The following CTCF variants were observed in gnomAD, a reference collection of about 807,000 sequenced individuals.
The protein encoded by CTCF is CCCTC-binding factor.
In CTCF, 7 loss-of-function variants were observed where a neutral mutation model predicts 72.3. The ratio of observed to expected loss-of-function variants is 0.10; its 90% CI spans 0.06 to 0.18. CTCF has a LOEUF of 0.18. Among genes scored for constraint, CTCF ranks in the 10% least tolerant of loss-of-function variants. CTCF has a pLI of 1.00. For missense variants in CTCF, 516 were observed against 949.1 expected (o/e 0.54, Z 6.00); for synonymous variants, 374 against 315.8 (o/e 1.18, Z -1.95).
chr16:67,605,227 C>T (rs548125366), intron 2 of CTCF, among the ~76,000 whole-genome samples: 2 of 152,246 alleles, frequency 1.3e-5, no homozygotes, highest in East Asian at 3.9e-4. Flanking sequence ...CCCGCCTTCG[C>T]CTCCCAAAGT....
At chr16:67,575,038 A>G (rs2051476297) in intron 2 of CTCF, among the ~76,000 whole-genome samples, 1 of 152,240 alleles carries the variant, frequency 6.6e-6, no homozygotes, top group South Asian at 2.1e-4. Flanking sequence ...AGTGGCATTT[A>G]AGAATTACAT....
chr16:67,620,317 C>T (rs1477728306), intron 5 of CTCF, among the ~76,000 whole-genome samples: 1 of 152,108 alleles, frequency 6.6e-6, no homozygotes, highest in African/African-American at 2.4e-5. Context: ...TCTCCAGCCT[C>T]AGCCTTCCGA....
intron 2 of CTCF, among the ~76,000 whole-genome samples, chr16:67,591,475 AGT>A (rs1168257732): frequency 2.0e-5 from 3 of 152,148 alleles, no homozygotes; most frequent in African/African-American, 7.2e-5. Context: ...TCTTTATTGT[AGT>A]CTACAACTTT....
Position 67,629,492 on chromosome 16 carries a change from A to C in CTCF, c.1796A>C (p.Lys599Thr). 6.2e-7 allele frequency: 1 copy of C among 1,613,758 alleles called. No individual in the cohort carries two copies. The highest frequency in any genetic ancestry group is 8.5e-7 in the Non-Finnish European group (1 of 1,179,926). ...GETKKSKRGR[K>T]RKMRSKKEDS... The stretch of plus-strand genomic sequence containing the variant: ...ACGAAGAAGAGTAAACGTGGAAGAA[A>C]AAGAAAGATGCGCTCTAAGAAAGAA... Residue 599 changes from lysine to threonine, a missense_variant, in exon 10 of 12, where the codon AAA (lysine) becomes ACA (threonine). By Grantham distance (78) the Lys-to-Thr change is moderately conservative. Coordinates refer to ENST00000264010, the MANE Select transcript of CTCF (RefSeq NM_006565.4).
intron 10 of CTCF, among the ~76,000 whole-genome samples, chr16:67,631,736 A>G (rs919610749): frequency 5.2e-4 from 60 of 116,032 alleles, no homozygotes; most frequent in Admixed American, 2.6e-4. Context: ...TTTAAGTAGC[A>G]TCTTCTTCAG....
intron 1 of CTCF, among the ~76,000 whole-genome samples, chr16:67,565,707 A>G (rs1324564022): frequency 6.6e-6 from 1 of 151,976 alleles, no homozygotes; most frequent in Non-Finnish European, 1.5e-5. Context: ...GTAGTTGTAA[A>G]GGTTAACTTT....
At chr16:67,618,407 AT>A (rs2052161138) in intron 5 of CTCF, among the ~76,000 whole-genome samples, 1 of 152,216 alleles carries the variant, frequency 6.6e-6, no homozygotes, top group Admixed American at 6.5e-5. Context: ...CCTCAAAAAA[AT>A]TTTAAACAGC....
chr16:67,607,166 A>G (rs964862707), intron 2 of CTCF, among the ~76,000 whole-genome samples: 10 of 152,002 alleles, frequency 6.6e-5, no homozygotes, highest in African/African-American at 1.7e-4. Context: ...CGTGTTGGCC[A>G]GGCTTGTCTC....
chr16:67,616,806 T>C lies in CTCF; in HGVS notation c.1014T>C (p.Val338=), dbSNP rs770443809. The change falls in exon 5 of 12, where the codon GTT becomes GTC. Residue 338 remains valine (V), a synonymous_variant. Transcript: ENST00000264010. ...CCTTTGTGACCAGTGGAGAATTGGT[T>C]CGGCATCGTCGTTACAAACACACCC... The part of the protein sequence containing the change: ...DMAFVTSGEL[V]RHRRYKHTHE... 1 of 1,614,180 alleles carries C rather than the reference T, an allele frequency of 6.2e-7. No individual in the cohort carries two copies. Among genetic ancestry groups the C allele is most frequent in the South Asian group, 1.1e-5 (1 of 91,082 alleles).
intron 5 of CTCF, among the ~76,000 whole-genome samples, chr16:67,617,222 G>A (rs993858721): frequency 3.3e-5 from 5 of 152,036 alleles, no homozygotes; most frequent in African/African-American, 1.2e-4. Context: ...ATTTAGGCTG[G>A]GCCTGGTGGC....
In CTCF at chr16:67,611,068, A is replaced by C. The variant is rs751071798; in HGVS notation, c.236A>C (p.Glu79Ala). The C allele has an allele frequency of 2.0e-5, 32 of 1,614,034 alleles. No individual in the cohort carries two copies. Among genetic ancestry groups the C allele is most frequent in the Non-Finnish European group, 2.6e-5 (31 of 1,180,040 alleles). Residue 79 changes from glutamate (E) to alanine (A), a missense_variant, in exon 3 of 12, where the codon GAG (glutamate) becomes GCG (alanine). Physicochemically the swap from Glu to Ala is moderately radical, Grantham distance 107 (BLOSUM62 -1). Transcript: ENST00000264010. ...CTTCAGATGAAGACTGAAGTAATGG[A>C]GGGCACAGTGGCTCCAGAAGCAGAG... Reference protein sequence around the residue: ...TLLQMKTEVMEGTVAPEAEAA... With the variant: ...TLLQMKTEVMAGTVAPEAEAA...
intron 2 of CTCF, among the ~76,000 whole-genome samples, chr16:67,599,986 A>T (rs1001782243): frequency 6.6e-6 from 1 of 152,162 alleles, no homozygotes; most frequent in Non-Finnish European, 1.5e-5. Flanking sequence ...TGGTGTGCTC[A>T]GGGGGGCTGG....
rs559269531 is a variant in CTCF at position 67,604,757 on chromosome 16, T to G, written c.-9-6067T>G. Among the ~76,000 whole-genome samples the G allele has an allele frequency of 2.5e-3, 381 of 150,600 alleles. 2 individuals carry two copies. The highest frequency in any genetic ancestry group is 4.3e-3 in the Non-Finnish European group (290 of 67,676). ...TTTTTTTTTTTTTGTTTTTTGTTTT[T>G]TTTTTTTACTTTTTAATATGAATTT... On this transcript the variant is annotated intron_variant, in intron 2 of 11. Coordinates refer to ENST00000264010, the MANE Select transcript of CTCF (RefSeq NM_006565.4).
At chr16:67,584,969 A>G (rs374242821) in intron 2 of CTCF, among the ~76,000 whole-genome samples, 7 of 152,184 alleles carry the variant, frequency 4.6e-5, no homozygotes, top group Non-Finnish European at 7.3e-5. Context: ...AACATGCATC[A>G]ATGTGTATGT....
At chr16:67,591,892 T>G (rs1415325302) in intron 2 of CTCF, among the ~76,000 whole-genome samples, 1 of 152,020 alleles carries the variant, frequency 6.6e-6, no homozygotes, top group African/African-American at 2.4e-5. Context: ...TTTTAATTTT[T>G]AATGGAGACA....
intron 4 of CTCF, 150 bp from the exon 5 acceptor site, chr16:67,616,595 C>G: frequency 1.3e-6 from 1 of 795,562 alleles, no homozygotes; most frequent in Non-Finnish European, 2.1e-6. Context: ...CCATAGTTTT[C>G]GGAGCTGACT....
chr16:67,626,524 C>A, intron 7 of CTCF, 31 bp from the exon 8 acceptor site: 4 of 1,338,684 alleles, frequency 3.0e-6, no homozygotes, highest in Non-Finnish European at 3.9e-6. Flanking sequence ...TGTGTTTTCA[C>A]ATTACCCTGG....
chr16:67,562,602 C>G lies in CTCF; in HGVS notation c.-249C>G, dbSNP rs1458198877. 6.5e-6 allele frequency: 1 copy of G among 152,780 alleles called. No homozygotes were observed. Among genetic ancestry groups the G allele is most frequent in the African/African-American group, 2.4e-5 (1 of 41,350 alleles). The allele number at this position is 152,780 out of a possible 1,614,324, so 9.5% of individuals were successfully genotyped here. On this transcript the variant is annotated 5_prime_UTR_variant, in exon 1 of 12. Transcript: ENST00000264010. ...AGCGATTAAACCGTGCGCGGAGCTGCTTCTTTGGCGGCAGCGGCGGCGGCG... is the reference window on the plus strand; with the variant it reads ...AGCGATTAAACCGTGCGCGGAGCTGGTTCTTTGGCGGCAGCGGCGGCGGCG...
chr16:67,628,293 C>T (rs2052317964), intron 8 of CTCF, 77 bp from the exon 9 acceptor site: 5 of 1,373,914 alleles, frequency 3.6e-6, no homozygotes, highest in Non-Finnish European at 5.0e-6. Flanking sequence ...TACCTGTTGG[C>T]CACATGCATG....
Sources: allele counts gnomAD v4.1 joint callset (sites outside exome capture counted in the v4.1 genomes callset), GRCh38; gene constraint gnomAD v4.1.1; transcripts MANE v1.5; gene names NCBI Gene and HGNC (gene_info 2026-07-23, HGNC 2026-07-21).